The following SNTB2 variants were observed in gnomAD, a reference collection of about 807,000 sequenced individuals.
SNTB2 encodes syntrophin beta 2, also known as beta-2-syntrophin.
SNTB2 carries 34 observed loss-of-function variants against 46.2 expected under a neutral mutation model. That is an observed-to-expected ratio of 0.74 (90% CI 0.56 to 0.98). SNTB2 has a LOEUF of 0.98. Among genes scored for constraint, SNTB2 ranks in the 50% least tolerant of loss-of-function variants. The pLI, the probability that SNTB2 is intolerant of heterozygous loss-of-function variation, is 0.00. For synonymous variants in SNTB2, 290 were observed against 312.6 expected (o/e 0.93, Z 0.76); for missense variants, 603 against 731.4 (o/e 0.82, Z 2.02).
intron 5 of SNTB2, among the ~76,000 whole-genome samples, chr16:69,293,152 A>G (rs1567416765): frequency 6.6e-6 from 1 of 152,182 alleles, no homozygotes; most frequent in Non-Finnish European, 1.5e-5. Flanking sequence ...GCAAGAGTGA[A>G]AGAGAGAGGG....
intron 1 of SNTB2, chr16:69,235,979 G>A (rs954396688): frequency 8.4e-6 from 6 of 712,550 alleles, no homozygotes; most frequent in African/African-American, 7.5e-5. Flanking sequence ...ATTAATAGAG[G>A]TGGAATTTGA....
intron 1 of SNTB2, among the ~76,000 whole-genome samples, chr16:69,235,341 A>G (rs1404153440): frequency 6.6e-6 from 1 of 152,142 alleles, no homozygotes; most frequent in Non-Finnish European, 1.5e-5. Context: ...CTGGGCCTAG[A>G]ACTATCCTAA....
chr16:69,279,598 T>C (rs1184466175), intron 4 of SNTB2, among the ~76,000 whole-genome samples: 1 of 135,850 alleles, frequency 7.4e-6, no homozygotes, highest in Non-Finnish European at 1.5e-5. Flanking sequence ...CGATATGGGC[T>C]CACTGCACAC....
rs191971378 is a variant in SNTB2, at chr16:69,193,058, G to C, written c.580+5312G>C. 1.8e-4 allele frequency among the ~76,000 whole-genome samples: 28 copies of C among 152,038 alleles called. 1 individual carries two copies. The East Asian group carries it at 4.6e-3, about 25-fold the overall frequency. ...ACTTAATGAAATAGATGAGAAAGTTGAGCAGTGTATTTTTGAATTTAATCT... is the reference window on the plus strand; with the variant it reads ...ACTTAATGAAATAGATGAGAAAGTTCAGCAGTGTATTTTTGAATTTAATCT... On this transcript the variant is annotated intron_variant, in intron 1 of 6. Transcript: ENST00000336278.
At chr16:69,266,984 C>T (rs1964892445) in intron 3 of SNTB2, among the ~76,000 whole-genome samples, 1 of 151,926 alleles carries the variant, frequency 6.6e-6, no homozygotes, top group South Asian at 2.1e-4. Flanking sequence ...AAGTGTGAGC[C>T]ACCACACCCA....
intron 1 of SNTB2, among the ~76,000 whole-genome samples, chr16:69,237,084 G>A (rs1192458883): frequency 1.3e-5 from 2 of 152,156 alleles, no homozygotes; most frequent in Non-Finnish European, 2.9e-5. Context: ...TGAAGGATGG[G>A]GCAGCACCCA....
intron 2 of SNTB2, among the ~76,000 whole-genome samples, chr16:69,252,798 A>C (rs1307331105): frequency 2.6e-5 from 4 of 152,044 alleles, no homozygotes; most frequent in Admixed American, 2.6e-4. Flanking sequence ...GTGGACCCAA[A>C]TGATTACTGG....
chr16:69,199,953 C>T lies in SNTB2; in HGVS notation c.580+12207C>T, dbSNP rs1323419553. On this transcript the variant is annotated intron_variant, in intron 1 of 6. Coordinates refer to ENST00000336278, the MANE Select transcript of SNTB2 (RefSeq NM_006750.4). ...TTTTTGAGACAGAATCTCCCTCTGTCGCCCAGGCTGGAGTGCAGTGGCACG... is the reference window on the plus strand; with the variant it reads ...TTTTTGAGACAGAATCTCCCTCTGTTGCCCAGGCTGGAGTGCAGTGGCACG... 5.3e-5 allele frequency among the ~76,000 whole-genome samples: 8 copies of T among 151,836 alleles called. No individual in the cohort carries two copies. The South Asian group carries it at 6.2e-4, about 12-fold the overall frequency.
rs1009926582 is a variant in SNTB2, at chr16:69,245,882, A to G, written c.794+67A>G. 4.7e-6 allele frequency: 7 copies of G among 1,480,268 alleles called. 1 individual carries two copies. The highest frequency in any genetic ancestry group is 4.6e-5 in the South Asian group (4 of 86,800). The allele number at this position is 1,480,268 out of a possible 1,614,324, so 91.7% of individuals were successfully genotyped here. A position where few individuals can be genotyped will look rare whatever the true frequency, so the allele number is the denominator to read the frequency against. On this transcript the variant is annotated intron_variant, in intron 2 of 6. Transcript: ENST00000336278. ...AAACTTAAGGACATGTTGCAGTATT[A>G]TATGACTCTGTTAACTCAGTTATAC...
chr16:69,281,060 G>T (rs889622808), intron 4 of SNTB2, among the ~76,000 whole-genome samples: 9 of 152,186 alleles, frequency 5.9e-5, no homozygotes, highest in African/African-American at 2.2e-4. Flanking sequence ...CTCCCAAAGT[G>T]CTGGGATTAC....
At chr16:69,222,972 T>C (rs1281834447) in intron 1 of SNTB2, among the ~76,000 whole-genome samples, 1 of 151,676 alleles carries the variant, frequency 6.6e-6, no homozygotes, top group South Asian at 2.1e-4. Flanking sequence ...TTAGTAGAGA[T>C]GAGGTTTCAC....
At chr16:69,230,284 T>C (rs1964494993) in intron 1 of SNTB2, 1 of 152,210 alleles carries the variant, frequency 6.6e-6, no homozygotes, top group Non-Finnish European at 1.5e-5. Context: ...ATATACTTTT[T>C]TTAATATATA....
At chr16:69,218,374 C>A (rs1053571988) in intron 1 of SNTB2, among the ~76,000 whole-genome samples, 2 of 151,198 alleles carry the variant, frequency 1.3e-5, no homozygotes, top group Non-Finnish European at 2.9e-5. Context: ...TGACAGTATT[C>A]TTTGATGTTT....
chr16:69,242,762 C>CTGT (rs1226382112), intron 1 of SNTB2, among the ~76,000 whole-genome samples: 1 of 152,164 alleles, frequency 6.6e-6, no homozygotes, highest in African/African-American at 2.4e-5. Context: ...TGGCTCAAGC[C>CTGT]TGTTATCCCA....
intron 5 of SNTB2, among the ~76,000 whole-genome samples, chr16:69,286,125 T>G (rs1285931606): frequency 6.6e-6 from 1 of 152,074 alleles, no homozygotes; most frequent in Non-Finnish European, 1.5e-5. Flanking sequence ...GTTTATTTAT[T>G]TATTTTTTTA....
chr16:69,265,477 G>T (rs1163041460), intron 3 of SNTB2, among the ~76,000 whole-genome samples: 2 of 152,124 alleles, frequency 1.3e-5, no homozygotes, highest in Admixed American at 6.6e-5. Context: ...TTTGGGAAAT[G>T]AATAATAACT....
intron 4 of SNTB2, among the ~76,000 whole-genome samples, chr16:69,280,513 G>T (rs558157650): frequency 4.7e-5 from 7 of 149,642 alleles, no homozygotes; most frequent in African/African-American, 7.5e-5. Context: ...CCTCCCTCCC[G>T]GATGGGGCGG....
At chr16:69,275,567 C>A (rs1964979164) in intron 4 of SNTB2, among the ~76,000 whole-genome samples, 1 of 152,072 alleles carries the variant, frequency 6.6e-6, no homozygotes, top group Non-Finnish European at 1.5e-5. Flanking sequence ...CAACCAGAGG[C>A]GGGTAAAGGG....
At chr16:69,247,964 T>C (rs867235861) in intron 2 of SNTB2, among the ~76,000 whole-genome samples, 1 of 151,504 alleles carries the variant, frequency 6.6e-6, no homozygotes, top group Admixed American at 6.6e-5. Context: ...CAGGATTTTT[T>C]AAAAAAAAAT....
Sources: gnomAD v4.1 joint callset for allele counts (sites outside exome capture counted in the v4.1 genomes callset) on GRCh38, gnomAD v4.1.1 for gene constraint, MANE v1.5 for transcripts, NCBI Gene and HGNC (gene_info 2026-07-23, HGNC 2026-07-21) for gene names.